CEP135: variants seen among roughly 807,000 people sequenced by gnomAD.
CEP135 encodes centrosomal protein 135.
Under a neutral mutation model 157.3 loss-of-function variants are expected in CEP135, and 142 were observed. The ratio of observed to expected loss-of-function variants is 0.90; its 90% confidence interval spans 0.79 to 1.04. The LOEUF is 1.04. Among genes scored for constraint, CEP135 ranks in the 50% least tolerant of loss-of-function variants. The pLI is 0.00. For synonymous variants in CEP135, 396 were observed against 439.8 expected (o/e 0.90, Z 1.25); for missense variants, 1,317 against 1,309.2 (o/e 1.01, Z -0.09).
At chr4:56,020,404 A>G (rs1040707160) in intron 23 of CEP135, among the ~76,000 whole-genome samples, 1 of 152,252 alleles carries the variant, frequency 6.6e-6, no homozygotes, top group East Asian at 1.9e-4. Flanking sequence ...GAAAGAGCCA[A>G]TGAAGACACT....
intron 19 of CEP135, among the ~76,000 whole-genome samples, chr4:56,010,113 G>T (rs1312995739): frequency 6.6e-6 from 1 of 152,056 alleles, no homozygotes; most frequent in East Asian, 1.9e-4. Context: ...ACTTTCAGAG[G>T]CTGAGGTGGG....
At position 56,023,049 on chromosome 4, in the gene CEP135, T is replaced by G. The variant is rs149841350; in HGVS notation, c.3321-1452T>G. ...GAGTTCAAGACCAGCCTGGGCAACA[T>G]AGTATGACCCCTATCTCTAAAAACA... On this transcript the variant is annotated intron_variant, in intron 24 of 25. Coordinates refer to ENST00000257287, the MANE Select transcript of CEP135 (RefSeq NM_025009.5). Among the ~76,000 whole-genome samples the G allele has an allele frequency of 3.4e-3, 516 of 150,608 alleles. 2 individuals carry two copies. Among genetic ancestry groups the G allele is most frequent in the African/African-American group, 0.012 (481 of 40,872 alleles).
chr4:55,957,838 C>A (rs368995262), intron 5 of CEP135, among the ~76,000 whole-genome samples: 2 of 152,158 alleles, frequency 1.3e-5, no homozygotes, highest in South Asian at 4.1e-4. Flanking sequence ...TGTTATTAAA[C>A]CTCCTGGGCA....
At chr4:56,029,243 G>A (rs986638319) in intron 25 of CEP135, among the ~76,000 whole-genome samples, 1 of 152,146 alleles carries the variant, frequency 6.6e-6, no homozygotes, top group African/African-American at 2.4e-5. Flanking sequence ...GTTTTTGGAG[G>A]TTTTATGCAG....
rs746009277 is a variant in CEP135 at position 55,981,309 on chromosome 4, A to G, written c.1709A>G (p.Glu570Gly). 1 of 1,598,378 alleles carries G rather than the reference A, an allele frequency of 6.3e-7. No homozygotes were observed. The highest frequency in any genetic ancestry group is 8.5e-7 in the Non-Finnish European group (1 of 1,175,348). The stretch of plus-strand genomic sequence containing the variant: ...AATATTGTTAGTCTTATGGAAAAGG[A>G]AAAAGAACTTGCGTTATCTGACTTA... ...PHNIVSLMEK[E>G]KELALSDLRR... Residue 570 changes from glutamate (E) to glycine (G), a missense_variant, in exon 13 of 26, where the codon GAA (glutamate) becomes GGA (glycine). Glu to Gly is a moderately conservative substitution (Grantham distance 98). Coordinates refer to ENST00000257287, the MANE Select transcript of CEP135 (RefSeq NM_025009.5).
intron 4 of CEP135, among the ~76,000 whole-genome samples, chr4:55,956,023 T>C (rs1728492614): frequency 1.3e-5 from 2 of 151,978 alleles, no homozygotes. Flanking sequence ...GGGAAATTGG[T>C]ATTTAAGGGA....
chr4:55,959,647 A>G (rs964588940), intron 5 of CEP135, 35 bp from the exon 6 acceptor site: 1 of 1,539,504 alleles, frequency 6.5e-7, no homozygotes, highest in Non-Finnish European at 9.0e-7. Context: ...TTTCTTAACA[A>G]AAGTGTATTG....
chr4:56,009,964 A>T, intron 19 of CEP135, 61 bp downstream of exon 19: 1 of 1,470,974 alleles, frequency 6.8e-7, no homozygotes, highest in East Asian at 2.3e-5. Context: ...CTAAATATTA[A>T]AGCTCTAAAT....
intron 6 of CEP135, among the ~76,000 whole-genome samples, chr4:55,963,825 C>T (rs1435458196): frequency 6.6e-6 from 1 of 152,144 alleles, no homozygotes; most frequent in Non-Finnish European, 1.5e-5. Flanking sequence ...ATTAAATTCA[C>T]CCCAGTTTCC....
chr4:56,024,523 C>T lies in CEP135; in HGVS notation c.3343C>T (p.Arg1115Cys), dbSNP rs779689049. ...CAGAGAACGAGCAATCCAAGAGATG[C>T]GTCGACATGGTCTTGCTACACCACC... ...YERERAIQEM[R>C]RHGLATPPLS... Residue 1115 changes from arginine to cysteine, a missense_variant, in exon 25 of 26, where the codon CGT (arginine) becomes TGT (cysteine). Transcript: ENST00000257287. The T allele has an allele frequency of 1.2e-5, 20 of 1,613,516 alleles. No homozygotes were observed. The highest frequency in any genetic ancestry group is 4.5e-5 in the East Asian group (2 of 44,824).
In CEP135 at chr4:56,020,764, A is replaced by G. The variant is rs1213316519; in HGVS notation, c.3304A>G (p.Thr1102Ala). 5 of 1,612,820 alleles carry G rather than the reference A, an allele frequency of 3.1e-6. No individual in the cohort carries two copies. The highest frequency in any genetic ancestry group is 4.2e-6 in the Non-Finnish European group (5 of 1,179,408). ...TGATGCTCTGAAAAGGCAGATCTCA[A>G]CTGAAAGATACGAACGGTAAGACAA... is the stretch of plus-strand genomic sequence containing the variant. ...DYDALKRQIS[T>A]ERYERERAIQ... The change falls in exon 24 of 26, where the codon ACT (threonine) becomes GCT (alanine). Residue 1102 changes from threonine to alanine, a missense_variant. By Grantham distance (58) the Thr-to-Ala change is moderately conservative (BLOSUM62 0). Transcript: ENST00000257287.
At chr4:55,950,801 A>G (rs1728341086) in intron 1 of CEP135, among the ~76,000 whole-genome samples, 1 of 152,150 alleles carries the variant, frequency 6.6e-6, no homozygotes, top group African/African-American at 2.4e-5. Context: ...TGAAATGCAT[A>G]GAGTTTAAGT....
rs781689000 is a variant in CEP135, at chr4:55,992,030, T to C, written c.1954T>C (p.Phe652Leu). 6.2e-7 allele frequency: 1 copy of C among 1,610,634 alleles called. No individual in the cohort carries two copies. Among genetic ancestry groups the C allele is most frequent in the Non-Finnish European group, 8.5e-7 (1 of 1,178,924 alleles). Residue 652 changes from phenylalanine (F) to leucine (L), a missense_variant, in exon 15 of 26, where the codon TTT (phenylalanine) becomes CTT (leucine). Transcript: ENST00000257287. ...ENKLKVQAQK[F>L]SHVAGDSSHQ... ...CAAATTAAAAGTCCAAGCTCAAAAA[T>C]TTAGCCATGTGGCTGGTGACTCATC...
At chr4:55,981,194 G>A (rs769013126) in intron 12 of CEP135, 33 bp from the exon 13 acceptor site, 1 of 1,540,988 alleles carries the variant, frequency 6.5e-7, no homozygotes, top group Non-Finnish European at 8.7e-7. Context: ...TTACTAAAGT[G>A]CCTTTTTAAT....
At chr4:55,957,847 C>T (rs2109645612) in intron 5 of CEP135, among the ~76,000 whole-genome samples, 1 of 152,230 alleles carries the variant, frequency 6.6e-6, no homozygotes. Context: ...ACCTCCTGGG[C>T]AAGGCACTGT....
chr4:56,018,372 G>A (rs1045476807), intron 22 of CEP135, among the ~76,000 whole-genome samples: 30 of 152,130 alleles, frequency 2.0e-4, no homozygotes, highest in Admixed American at 2.0e-4. Flanking sequence ...TGATGAAAGT[G>A]GGTAATGTTT....
intron 9 of CEP135, among the ~76,000 whole-genome samples, chr4:55,969,946 C>T (rs145034911): frequency 2.0e-5 from 3 of 152,056 alleles, no homozygotes; most frequent in East Asian, 3.9e-4. Flanking sequence ...GATCATAGCT[C>T]CCTGCAGCCT....
At chr4:55,963,221 G>A (rs1310917846) in intron 6 of CEP135, among the ~76,000 whole-genome samples, 2 of 151,858 alleles carry the variant, frequency 1.3e-5, no homozygotes, top group Non-Finnish European at 2.9e-5. Flanking sequence ...TGTTTCTTAT[G>A]CATTTCTGCA....
intron 6 of CEP135, among the ~76,000 whole-genome samples, chr4:55,961,764 T>TTA (rs1491538066): frequency 1.8e-5 from 1 of 54,212 alleles, no homozygotes; most frequent in Admixed American, 2.5e-4. Context: ...AAACTCTGTC[T>TTA]AAAAAAAAAA....
Sources: allele counts gnomAD v4.1 joint callset (sites outside exome capture counted in the v4.1 genomes callset), GRCh38; gene constraint gnomAD v4.1.1; transcripts MANE v1.5; gene names NCBI Gene and HGNC (gene_info 2026-07-23, HGNC 2026-07-21).